The following TRIM66 variants were observed in gnomAD, a reference collection of about 807,000 sequenced individuals.
The protein encoded by TRIM66 is tripartite motif-containing protein 66.
Under a neutral mutation model 148.2 loss-of-function variants are expected in TRIM66, and 99 were observed. That is an observed-to-expected ratio of 0.67 (90% CI 0.57 to 0.79). TRIM66 has a LOEUF of 0.79. Among genes scored for constraint, TRIM66 ranks in the 30% least tolerant of loss-of-function variants. The pLI is 0.00. For synonymous variants in TRIM66, 616 were observed against 635.9 expected (o/e 0.97, Z 0.47); for missense variants, 1,666 against 1,697.9 (o/e 0.98, Z 0.33).
intron 1 of TRIM66, 24 bp downstream of exon 1, chr11:8,682,577 C>G (rs1289681132): frequency 8.4e-6 from 5 of 592,194 alleles, no homozygotes; most frequent in Non-Finnish European, 1.5e-5. Flanking sequence ...TCTCGCCCTC[C>G]GAGCCTAGCA....
rs1194111915 is a variant in TRIM66, at chr11:8,640,765, G to C, written c.1610C>G (p.Pro537Arg). 3.9e-6 allele frequency: 6 copies of C among 1,551,344 alleles called. No individual in the cohort carries two copies. The highest frequency in any genetic ancestry group is 3.9e-5 in the Admixed American group (2 of 51,008). ...CTGGGATGTGCTCTCCTGCTCCACG[G>C]GGGGCTGGGTTTCCAGCCAGGGCTG... ...LLQPWLETQPPVEQESTSQRL... is the reference protein window; with the variant it reads ...LLQPWLETQPRVEQESTSQRL... Residue 537 changes from proline to arginine, a missense_variant, in exon 14 of 25, where the codon CCC (proline) becomes CGC (arginine). Transcript: ENST00000646038.
intron 8 of TRIM66, among the ~76,000 whole-genome samples, chr11:8,649,201 C>T (rs971020408): frequency 6.6e-6 from 1 of 152,038 alleles, no homozygotes; most frequent in Non-Finnish European, 1.5e-5. Flanking sequence ...TAGCTGGGCG[C>T]GGTGGCGCAT....
intron 19 of TRIM66, 68 bp from the exon 20 acceptor site, chr11:8,621,389 G>A: frequency 2.7e-6 from 4 of 1,486,618 alleles, no homozygotes; most frequent in Non-Finnish European, 3.6e-6. Context: ...AGGGGAGGGA[G>A]AGACTGGCAG....
chr11:8,668,367 T>C (rs951932338), intron 6 of TRIM66, among the ~76,000 whole-genome samples: 1 of 152,104 alleles, frequency 6.6e-6, no homozygotes, highest in African/African-American at 2.4e-5. Flanking sequence ...ATCAGAAGTT[T>C]ATTACTTTCA....
chr11:8,620,654 G>A lies in TRIM66; in HGVS notation c.3546-82C>T, dbSNP rs1042365365. The A allele has an allele frequency of 5.2e-5, 78 of 1,493,164 alleles. 1 individual carries two copies. Among genetic ancestry groups the A allele is most frequent in the Admixed American group, 1.4e-4 (6 of 42,720 alleles). 92.5% of individuals were successfully genotyped at this position (1,493,164 alleles called of 1,614,324 possible). A position where few individuals can be genotyped will look rare whatever the true frequency, so the allele number is the denominator to read the frequency against. On this transcript the variant is annotated intron_variant, in intron 20 of 24. Transcript: ENST00000646038. ...CCTCTCCCTCTGCCCTATGGCAGGC[G>A]TGAGAAACTGAGTCTCCGGCTTTGC...
intron 20 of TRIM66, 81 bp downstream of exon 20, chr11:8,620,951 T>A: frequency 6.8e-7 from 1 of 1,479,610 alleles, no homozygotes; most frequent in African/African-American, 1.4e-5. Context: ...TCCTGGGAGC[T>A]CTGTGGGCCT....
At chr11:8,656,225 A>G (rs2037817655) in intron 6 of TRIM66, among the ~76,000 whole-genome samples, 1 of 152,256 alleles carries the variant, frequency 6.6e-6, no homozygotes. Flanking sequence ...ATCAACTCTT[A>G]GAGCTATGTA....
At chr11:8,673,084 C>A (rs1411040762) in intron 4 of TRIM66, among the ~76,000 whole-genome samples, 1 of 150,914 alleles carries the variant, frequency 6.6e-6, no homozygotes, top group Non-Finnish European at 1.5e-5. Context: ...GGACTACAGG[C>A]ACCCACCACC....
chr11:8,681,702 A>C (rs1234485873), intron 1 of TRIM66, among the ~76,000 whole-genome samples: 1 of 152,078 alleles, frequency 6.6e-6, no homozygotes, highest in African/African-American at 2.4e-5. Flanking sequence ...TTCACTCAAC[A>C]ATCACTAGTT....
intron 13 of TRIM66, among the ~76,000 whole-genome samples, chr11:8,641,778 T>C (rs1039200100): frequency 1.3e-5 from 2 of 152,242 alleles, no homozygotes; most frequent in East Asian, 1.9e-4. Context: ...TTTAGCACCG[T>C]CCCTTTGGTG....
intron 6 of TRIM66, among the ~76,000 whole-genome samples, chr11:8,667,749 C>G (rs1209174701): frequency 6.6e-6 from 1 of 152,208 alleles, no homozygotes; most frequent in African/African-American, 2.4e-5. Flanking sequence ...GAACTTCCTT[C>G]CTTATTAAGG....
Position 8,645,732 on chromosome 11 carries a change from T to A in TRIM66, c.1104+9A>T, listed in dbSNP as rs1209265599. On this transcript the variant is annotated intron_variant, in intron 12 of 24. Coordinates refer to ENST00000646038, the MANE Select transcript of TRIM66 (RefSeq NM_001388022.1). Reference sequence around the variant, plus strand: ...AGGACAGGCTGAGGAGTTGGGAGATTCCTCTTACCAGCTCTTTGCTGAAAA... The same window carrying A: ...AGGACAGGCTGAGGAGTTGGGAGATACCTCTTACCAGCTCTTTGCTGAAAA... The A allele has an allele frequency of 1.9e-6, 3 of 1,551,572 alleles. No individual in the cohort carries two copies. In the Admixed American group the frequency reaches 5.9e-5, roughly 30 times the overall value.
rs879207949 is a variant in TRIM66, at chr11:8,640,346, G to A, written c.2029C>T (p.Leu677=). 5 of 1,551,768 alleles carry A rather than the reference G, an allele frequency of 3.2e-6. No homozygotes were observed. In the South Asian group the frequency reaches 5.9e-5, roughly 18 times the overall value. Residue 677 remains leucine, a synonymous_variant, in exon 14 of 25, where the codon CTG becomes TTG. Coordinates refer to ENST00000646038, the MANE Select transcript of TRIM66 (RefSeq NM_001388022.1). ...ELLLQAQQPS[L]QLSQTKSPQH... Reference sequence around the variant, plus strand: ...GGAGATTTGGTCTGACTCAGTTGCAGGCTGGGCTGTTGAGCCTGGAGAAGA... The same window carrying A: ...GGAGATTTGGTCTGACTCAGTTGCAAGCTGGGCTGTTGAGCCTGGAGAAGA...
At chr11:8,630,456 C>T (rs1010356051) in intron 15 of TRIM66, among the ~76,000 whole-genome samples, 12 of 152,190 alleles carry the variant, frequency 7.9e-5, no homozygotes, top group African/African-American at 2.7e-4. Context: ...TCTTTACATA[C>T]AAAACCTCTA....
rs2034087923 is a variant in TRIM66, at chr11:8,620,364, C to G, written c.3672+82G>C. Reference sequence around the variant, plus strand: ...AAATGTATCCAGAAAAGCCCCTCATCCCCTCTCAAAGGCCTCAGACCCTGT... The same window carrying G: ...AAATGTATCCAGAAAAGCCCCTCATGCCCTCTCAAAGGCCTCAGACCCTGT... On this transcript the variant is annotated intron_variant, in intron 21 of 24. Transcript: ENST00000646038. 5.9e-6 allele frequency: 9 copies of G among 1,523,290 alleles called. No individual in the cohort carries two copies. The Admixed American group carries it at 1.4e-4, about 24-fold the overall frequency. 94.4% of individuals were successfully genotyped at this position (1,523,290 alleles called of 1,614,324 possible). A position where few individuals can be genotyped will look rare whatever the true frequency, so the allele number is the denominator to read the frequency against.
At chr11:8,662,730 T>G (rs1402417126) in intron 6 of TRIM66, among the ~76,000 whole-genome samples, 2 of 152,362 alleles carry the variant, frequency 1.3e-5, no homozygotes, top group East Asian at 3.9e-4. Flanking sequence ...ATGATTTGTC[T>G]TTTAATTGAT....
chr11:8,638,959 G>T, intron 14 of TRIM66, 144 bp from the exon 15 acceptor site: 3 of 837,752 alleles, frequency 3.6e-6, no homozygotes, highest in Middle Eastern at 7.2e-4. Flanking sequence ...TTTCCAAAAA[G>T]AAAAATACTC....
At position 8,640,560 on chromosome 11, in the gene TRIM66, T is replaced by A; in HGVS notation, c.1815A>T (p.Pro605=). ...GTGGGGGATGGGGGAGGGGTGGTGG[T>A]GGAGGTGGTAGCTGCTGCTGTGGCT... is the stretch of plus-strand genomic sequence containing the variant. ...QQQPQQQLPP[P]PPPLPHPPPP... is the part of the protein sequence containing the mutation. The change falls in exon 14 of 25, where the codon CCA becomes CCT. Residue 605 remains proline, a synonymous_variant. Transcript: ENST00000646038. 1 of 1,535,858 alleles carries A rather than the reference T, an allele frequency of 6.5e-7. No homozygotes were observed. Among genetic ancestry groups the A allele is most frequent in the Non-Finnish European group, 8.8e-7 (1 of 1,138,810 alleles).
intron 3 of TRIM66, among the ~76,000 whole-genome samples, chr11:8,676,751 C>T (rs2039197427): frequency 6.6e-6 from 1 of 152,206 alleles, no homozygotes; most frequent in Admixed American, 6.5e-5. Flanking sequence ...GTTCTTCCCT[C>T]TCCTTCTTAT....
Sources: gnomAD v4.1 joint callset for allele counts (sites outside exome capture counted in the v4.1 genomes callset) on GRCh38, gnomAD v4.1.1 for gene constraint, MANE v1.5 for transcripts, NCBI Gene and HGNC (gene_info 2026-07-23, HGNC 2026-07-21) for gene names.